RORA: variants seen among roughly 807,000 people sequenced by gnomAD.
RORA encodes nuclear receptor ROR-alpha.
Under a neutral mutation model 69.5 loss-of-function variants are expected in RORA, and 7 were observed. That is an observed-to-expected ratio of 0.10 (90% CI 0.06 to 0.19). The LOEUF (loss-of-function observed/expected upper bound fraction) is 0.19. Ranked by LOEUF, RORA falls within the 10% of genes least tolerant of loss-of-function variation. RORA has a pLI of 1.00. For missense variants in RORA, 457 were observed against 663.0 expected, an observed-to-expected ratio of 0.69 and a Z score of 3.41; for synonymous variants, 261 against 240.8, an observed-to-expected ratio of 1.08 and a Z score of -0.78.
rs575939061 is a variant in RORA at position 60,832,932 on chromosome 15, T to C, written c.167-154246A>G. On this transcript the variant is annotated intron_variant, in intron 1 of 10. Transcript: ENST00000335670. ...TGTTCTTTTTTTTTTTGAGACGGAGTCTCACTGTGTCGCCCAGGCTGGAGT... is the reference window on the plus strand; with the variant it reads ...TGTTCTTTTTTTTTTTGAGACGGAGCCTCACTGTGTCGCCCAGGCTGGAGT... 4.6e-5 allele frequency among the ~76,000 whole-genome samples: 7 copies of C among 151,958 alleles called. No individual in the cohort carries two copies. The East Asian group carries it at 1.2e-3, about 25-fold the overall frequency.
At chr15:60,909,371 C>A (rs977628722) in intron 1 of RORA, among the ~76,000 whole-genome samples, 5 of 152,180 alleles carry the variant, frequency 3.3e-5, no homozygotes, top group Non-Finnish European at 5.9e-5. Flanking sequence ...TGTGTCAAAG[C>A]TCTGGATACT....
At chr15:60,711,764 AC>A (rs1208810596) in intron 1 of RORA, among the ~76,000 whole-genome samples, 1 of 152,148 alleles carries the variant, frequency 6.6e-6, no homozygotes, top group Non-Finnish European at 1.5e-5. Context: ...AGATGATTTA[AC>A]CTTTGATTGG....
chr15:60,707,991 C>T (rs2071087709), intron 1 of RORA, among the ~76,000 whole-genome samples: 2 of 151,726 alleles, frequency 1.3e-5, no homozygotes, highest in Non-Finnish European at 3.0e-5. Context: ...TCATGTTTAC[C>T]ACCCATTTGC....
chr15:60,740,331 A>G (rs866122628), intron 1 of RORA, among the ~76,000 whole-genome samples: 6 of 152,228 alleles, frequency 3.9e-5, no homozygotes, highest in African/African-American at 1.4e-4. Context: ...AAGGCCCATC[A>G]AGCGAGAACT....
intron 1 of RORA, among the ~76,000 whole-genome samples, chr15:61,145,715 A>G (rs1002268452): frequency 1.4e-4 from 21 of 152,306 alleles, no homozygotes; most frequent in African/African-American, 4.8e-4. Flanking sequence ...AGAGAATTCA[A>G]AAGACTGAGG....
At chr15:60,669,765 G>A (rs981015785) in intron 2 of RORA, among the ~76,000 whole-genome samples, 1 of 152,172 alleles carries the variant, frequency 6.6e-6, no homozygotes, top group Non-Finnish European at 1.5e-5. Flanking sequence ...TTAGGTTGGT[G>A]CAAAAGTAAT....
intron 1 of RORA, among the ~76,000 whole-genome samples, chr15:61,042,702 C>A (rs1296517431): frequency 6.6e-6 from 1 of 152,232 alleles, no homozygotes; most frequent in African/African-American, 2.4e-5. Context: ...TCTCGATAAG[C>A]CTTCCTACCT....
chr15:61,146,111 C>T (rs2079345008), intron 1 of RORA, among the ~76,000 whole-genome samples: 1 of 152,126 alleles, frequency 6.6e-6, no homozygotes, highest in Non-Finnish European at 1.5e-5. Flanking sequence ...ATCCTTTTTA[C>T]AATATTTTAA....
chr15:61,127,028 C>T (rs2079148704), intron 1 of RORA, among the ~76,000 whole-genome samples: 1 of 152,156 alleles, frequency 6.6e-6, no homozygotes. Flanking sequence ...CTGAAACACA[C>T]ACACACTAAA....
intron 1 of RORA, among the ~76,000 whole-genome samples, chr15:61,185,887 G>A (rs2079736547): frequency 6.6e-6 from 1 of 152,076 alleles, no homozygotes; most frequent in South Asian, 2.1e-4. Context: ...ACCGAGACCT[G>A]CATTGCTGCC....
chr15:60,995,765 A>G (rs764254862), intron 1 of RORA, among the ~76,000 whole-genome samples: 6 of 152,222 alleles, frequency 3.9e-5, no homozygotes, highest in African/African-American at 2.4e-5. Context: ...CTAACACCAA[A>G]TAGTACGCCC....
rs535522300 is a variant in RORA at position 61,131,537 on chromosome 15, C to T, written c.166+97516G>A. Among the ~76,000 whole-genome samples the T allele has an allele frequency of 6.6e-6, 1 of 152,232 alleles. No homozygotes were observed. Among genetic ancestry groups the T allele is most frequent in the Non-Finnish European group, 1.5e-5 (1 of 68,014 alleles). ...GAAATTATAGGGGACTTTGGCCATCCACTGGAAAACTGGAGGAACTGGGAT... is the reference window on the plus strand; with the variant it reads ...GAAATTATAGGGGACTTTGGCCATCTACTGGAAAACTGGAGGAACTGGGAT... On this transcript the variant is annotated intron_variant, in intron 1 of 10. Coordinates refer to ENST00000335670, the MANE Select transcript of RORA (RefSeq NM_134261.3). The surrounding 1 kb of genome is among the most constrained non-coding windows in gnomAD (Gnocchi z 4.2).
chr15:60,729,092 G>C (rs1222556260), intron 1 of RORA, among the ~76,000 whole-genome samples: 1 of 152,058 alleles, frequency 6.6e-6, no homozygotes, highest in Non-Finnish European at 1.5e-5. Flanking sequence ...AGGAAAGGCC[G>C]AAGCTGATGC....
intron 1 of RORA, among the ~76,000 whole-genome samples, chr15:61,156,496 C>T (rs967266057): frequency 1.3e-5 from 2 of 152,132 alleles, no homozygotes; most frequent in Non-Finnish European, 2.9e-5. Context: ...CAGCAACTCT[C>T]CATTACCTTC....
At chr15:60,878,334 ACT>A (rs2073641832) in intron 1 of RORA, among the ~76,000 whole-genome samples, 2 of 128,656 alleles carry the variant, frequency 1.6e-5, no homozygotes, top group South Asian at 2.7e-4. Flanking sequence ...AAAGAGCAAG[ACT>A]CTGTCTCAAA....
intron 1 of RORA, among the ~76,000 whole-genome samples, chr15:60,942,010 G>C (rs1252542913): frequency 6.6e-6 from 1 of 152,126 alleles, no homozygotes. Context: ...AAGTCTTCAA[G>C]CAAACTCACC....
chr15:61,072,637 T>A (rs945177811), intron 1 of RORA, among the ~76,000 whole-genome samples: 2 of 152,190 alleles, frequency 1.3e-5, no homozygotes, highest in African/African-American at 4.8e-5. Flanking sequence ...ACATTTTGAA[T>A]GACAAAAAGC....
chr15:60,718,234 A>G (rs965253621), intron 1 of RORA, among the ~76,000 whole-genome samples: 1 of 152,210 alleles, frequency 6.6e-6, no homozygotes, highest in African/African-American at 2.4e-5. Flanking sequence ...TATTCTTCTA[A>G]GTTCATCAGT....
chr15:61,055,108 A>G (rs2078075705), intron 1 of RORA, among the ~76,000 whole-genome samples: 1 of 152,112 alleles, frequency 6.6e-6, no homozygotes, highest in Non-Finnish European at 1.5e-5. Context: ...AAGTGCTGGG[A>G]TTATAGGTGT....
Sources: allele counts gnomAD v4.1 joint callset (sites outside exome capture counted in the v4.1 genomes callset), GRCh38; gene constraint gnomAD v4.1.1; non-coding constraint Gnocchi (gnomAD v3.1); transcripts MANE v1.5; gene names NCBI Gene and HGNC (gene_info 2026-07-23, HGNC 2026-07-21).